Variants in NIPSNAP2 observed in about 807,000 individuals in gnomAD.
NIPSNAP2 encodes nipsnap homolog 2.
A neutral mutation model predicts 48.4 loss-of-function variants in NIPSNAP2; 42 were observed. That is an observed-to-expected ratio of 0.87 (90% CI 0.68 to 1.12). The LOEUF (loss-of-function observed/expected upper bound fraction) is 1.12. Ranked by LOEUF, NIPSNAP2 falls within the 50% of genes most tolerant of loss-of-function variation. NIPSNAP2 has a pLI of 0.00. For missense variants in NIPSNAP2, 314 were observed against 347.3 expected, an observed-to-expected ratio of 0.90 and a Z score of 0.76; for synonymous variants, 158 against 126.6, an observed-to-expected ratio of 1.25 and a Z score of -1.67.
chr7:55,972,881 T>A (rs1584339784), intron 1 of NIPSNAP2, among the ~76,000 whole-genome samples: 1 of 152,080 alleles, frequency 6.6e-6, no homozygotes, highest in Non-Finnish European at 1.5e-5. Flanking sequence ...GGCAGGCAGG[T>A]CACTTGAGCT....
chr7:55,965,643 C>G (rs1786878017), intron 1 of NIPSNAP2, among the ~76,000 whole-genome samples: 1 of 148,976 alleles, frequency 6.7e-6, no homozygotes, highest in African/African-American at 2.4e-5. Context: ...TGCAACGGCA[C>G]GATCTTGTCT....
At chr7:55,988,788 C>T (rs12669593) in intron 7 of NIPSNAP2, among the ~76,000 whole-genome samples, 21,296 of 151,922 alleles carry the variant, frequency 0.14, 1,895 homozygotes, top group Non-Finnish European at 0.21. Flanking sequence ...TCGCTTGAAC[C>T]CAGGAGGTGG....
At chr7:55,985,133 A>G (rs1787299679) in intron 7 of NIPSNAP2, among the ~76,000 whole-genome samples, 1 of 152,130 alleles carries the variant, frequency 6.6e-6, no homozygotes, top group Admixed American at 6.6e-5. Context: ...AACTCCTTCA[A>G]CCCAGATTGT....
chr7:55,989,036 A>G (rs1471460654), intron 7 of NIPSNAP2, among the ~76,000 whole-genome samples: 1 of 152,148 alleles, frequency 6.6e-6, no homozygotes, highest in African/African-American at 2.4e-5. Flanking sequence ...GAAAGCAAAC[A>G]TCCATGTAAA....
At chr7:55,981,613 A>G (rs764685073) in intron 4 of NIPSNAP2, 46 bp downstream of exon 4, 3 of 1,229,586 alleles carry the variant, frequency 2.4e-6, no homozygotes, top group Non-Finnish European at 2.4e-6. Context: ...CTTAAGCCTT[A>G]TGTAACACTT....
In NIPSNAP2 at chr7:55,981,293, G is replaced by T. The variant is rs112097071; in HGVS notation, c.279-180G>T. ...AACCTAAGCTTCTGATCAGCAGGGT[G>T]TTGGAATACAACATAATTCAGCTAA... On this transcript the variant is annotated intron_variant, in intron 3 of 9. Coordinates refer to ENST00000322090, the MANE Select transcript of NIPSNAP2 (RefSeq NM_001483.3). 7.4e-3 allele frequency: 3,716 copies of T among 501,494 alleles called. 98 individuals carry two copies. The highest frequency in any genetic ancestry group is 0.063 in the African/African-American group (3,239 of 51,622). 31.1% of individuals were successfully genotyped at this position (501,494 alleles called of 1,614,324 possible). A position where few individuals can be genotyped will look rare whatever the true frequency, so the allele number is the denominator to read the frequency against.
At chr7:55,991,732 G>T (rs1419245921) in intron 7 of NIPSNAP2, 1 of 167,964 alleles carries the variant, frequency 6.0e-6, no homozygotes, top group Non-Finnish European at 1.1e-5. Flanking sequence ...TGGGCAACAA[G>T]AGTGAAACTC....
Position 55,964,651 on chromosome 7 carries a change from CGGCGGCCTCCTGCAGCG to C in NIPSNAP2, c.50_66del (p.Leu17ProfsTer33). 9.1e-7 allele frequency: 1 copy of C among 1,098,574 alleles called. No individual in the cohort carries two copies. Among genetic ancestry groups the C allele is most frequent in the Non-Finnish European group, 1.1e-6 (1 of 903,584 alleles). The allele number at this position is 1,098,574 out of a possible 1,614,324, so 68.1% of individuals were successfully genotyped here. A position where few individuals can be genotyped will look rare whatever the true frequency, so the allele number is the denominator to read the frequency against. Reference sequence around the variant, plus strand: ...TGCGCGCCCGCGGAGCGGCCTGGGCCGGCGGCCTCCTGCAGCGGGCGGCCCCCTGCAGCCTCCTGCCC... The same window carrying C: ...TGCGCGCCCGCGGAGCGGCCTGGGCCGGCGGCCCCCTGCAGCCTCCTGCCC... On this transcript the variant is annotated frameshift_variant, in exon 1 of 10. Coordinates refer to ENST00000322090, the MANE Select transcript of NIPSNAP2 (RefSeq NM_001483.3). LOFTEE classifies it high-confidence loss of function.
intron 8 of NIPSNAP2, among the ~76,000 whole-genome samples, chr7:55,997,084 A>G (rs1028919018): frequency 3.3e-5 from 5 of 151,632 alleles, no homozygotes; most frequent in Middle Eastern, 3.4e-3. Context: ...ACTTGAGCCT[A>G]GGAGGTCAAG....
At chr7:55,965,788 T>A (rs1562759490) in intron 1 of NIPSNAP2, among the ~76,000 whole-genome samples, 2 of 151,786 alleles carry the variant, frequency 1.3e-5, no homozygotes, top group Non-Finnish European at 2.9e-5. Context: ...ACCATGTTGG[T>A]CAGGCTGATC....
chr7:55,986,026 T>G (rs1787324860), intron 7 of NIPSNAP2, among the ~76,000 whole-genome samples: 1 of 151,586 alleles, frequency 6.6e-6, no homozygotes, highest in Non-Finnish European at 1.5e-5. Context: ...CTAGCCTAGG[T>G]GACAGAGTGA....
rs200383781 is a variant in NIPSNAP2 at position 55,978,120 on chromosome 7, C to A, written c.93-6C>A. ...ACTGCGTGACAACACCTTTGTTATT[C>A]CATAGGACATGGACATCTTCCAGCA... is the stretch of plus-strand genomic sequence containing the variant. On this transcript the variant is annotated splice_region_variant and splice_polypyrimidine_tract_variant and intron_variant, in intron 1 of 9. Coordinates refer to ENST00000322090, the MANE Select transcript of NIPSNAP2 (RefSeq NM_001483.3). 1.2e-6 allele frequency: 2 copies of A among 1,613,844 alleles called. No individual in the cohort carries two copies. Among genetic ancestry groups the A allele is most frequent in the Non-Finnish European group, 1.7e-6 (2 of 1,179,958 alleles).
intron 7 of NIPSNAP2, among the ~76,000 whole-genome samples, chr7:55,987,003 A>C (rs1414517737): frequency 4.0e-5 from 6 of 149,474 alleles, no homozygotes; most frequent in African/African-American, 1.5e-4. Context: ...AAAAAAAAAA[A>C]AAAAAAACTT....
At chr7:55,986,416 C>A (rs1045344428) in intron 7 of NIPSNAP2, among the ~76,000 whole-genome samples, 2 of 152,068 alleles carry the variant, frequency 1.3e-5, no homozygotes, top group Non-Finnish European at 2.9e-5. Flanking sequence ...TATCCCAGCA[C>A]TTTGGGAGGC....
chr7:55,981,291 G>A (rs755198891), intron 3 of NIPSNAP2, 182 bp from the exon 4 acceptor site: 1 of 494,496 alleles, frequency 2.0e-6, no homozygotes, highest in African/African-American at 1.9e-5. Flanking sequence ...GATCAGCAGG[G>A]TGTTGGAATA....
At chr7:55,996,803 G>A (rs978541690) in intron 8 of NIPSNAP2, among the ~76,000 whole-genome samples, 2 of 152,106 alleles carry the variant, frequency 1.3e-5, no homozygotes, top group African/African-American at 2.4e-5. Context: ...TGAGTCGGGA[G>A]GATCACTTGA....
chr7:55,984,761 T>G, intron 6 of NIPSNAP2, 86 bp from the exon 7 acceptor site: 1 of 1,104,466 alleles, frequency 9.1e-7, no homozygotes, highest in Non-Finnish European at 1.4e-6. Flanking sequence ...GTTTTGTCAC[T>G]TAATGTTTTT....
At chr7:55,973,202 A>G (rs1429710715) in intron 1 of NIPSNAP2, among the ~76,000 whole-genome samples, 2 of 152,192 alleles carry the variant, frequency 1.3e-5, no homozygotes, top group East Asian at 1.9e-4. Context: ...CCATTTTCTC[A>G]GGGAAACCAC....
At chr7:55,986,855 A>G (rs1787338762) in intron 7 of NIPSNAP2, among the ~76,000 whole-genome samples, 1 of 151,746 alleles carries the variant, frequency 6.6e-6, no homozygotes, top group South Asian at 2.1e-4. Flanking sequence ...AAAGAATTTG[A>G]AAAGACAGCA....
Sources: gnomAD v4.1 joint callset for allele counts (sites outside exome capture counted in the v4.1 genomes callset) on GRCh38, gnomAD v4.1.1 for gene constraint, MANE v1.5 for transcripts, NCBI Gene and HGNC (gene_info 2026-07-23, HGNC 2026-07-21) for gene names.